The following MAGI2 variants were observed in gnomAD, a reference collection of about 807,000 sequenced individuals.
MAGI2 encodes membrane-associated guanylate kinase, WW and PDZ domain-containing protein 2.
A neutral mutation model predicts 133.3 loss-of-function variants in MAGI2; 35 were observed. The ratio of observed to expected loss-of-function variants is 0.26; its 90% CI spans 0.20 to 0.35. The LOEUF (loss-of-function observed/expected upper bound fraction) is 0.35, where lower values mean the gene tolerates loss of function less well. MAGI2 is among the 10% of genes least tolerant of loss of function. The pLI is 1.00. For missense variants in MAGI2, 1,636 were observed against 1,863.4 expected, an observed-to-expected ratio of 0.88 and a Z score of 2.25; for synonymous variants, 729 against 710.6, an observed-to-expected ratio of 1.03 and a Z score of -0.41.
chr7:78,619,613 C>T (rs1448495745), intron 3 of MAGI2, among the ~76,000 whole-genome samples: 1 of 151,838 alleles, frequency 6.6e-6, no homozygotes, highest in Non-Finnish European at 1.5e-5. Flanking sequence ...ATTTACATTG[C>T]ATATTTCAAA....
intron 1 of MAGI2, among the ~76,000 whole-genome samples, chr7:79,080,893 C>G (rs1815978045): frequency 2.0e-5 from 3 of 152,116 alleles, no homozygotes; most frequent in African/African-American, 7.2e-5. Flanking sequence ...ATCATTCCCA[C>G]ATTCACTATC....
chr7:79,266,585 T>C (rs985565415), intron 1 of MAGI2, among the ~76,000 whole-genome samples: 2 of 152,146 alleles, frequency 1.3e-5, no homozygotes, highest in Non-Finnish European at 2.9e-5. Context: ...AAATGTCTGG[T>C]AAGAAAAGTC....
At chr7:78,834,246 A>G (rs1791426665) in intron 2 of MAGI2, among the ~76,000 whole-genome samples, 1 of 152,222 alleles carries the variant, frequency 6.6e-6, no homozygotes, top group Non-Finnish European at 1.5e-5. Context: ...TGTACAGGTC[A>G]GTGATTTTTA....
At chr7:79,177,008 G>A (rs996508464) in intron 1 of MAGI2, 1 of 151,974 alleles carries the variant, frequency 6.6e-6, no homozygotes, top group Non-Finnish European at 1.5e-5. Context: ...TCAGAAAGCA[G>A]CGATTGAAAC....
At chr7:78,700,290 G>T (rs1055353705) in intron 2 of MAGI2, among the ~76,000 whole-genome samples, 1 of 152,110 alleles carries the variant, frequency 6.6e-6, no homozygotes, top group Non-Finnish European at 1.5e-5. Context: ...TTGCCCATTG[G>T]AATTGTTATG....
intron 1 of MAGI2, among the ~76,000 whole-genome samples, chr7:79,314,107 G>A (rs1022763270): frequency 6.6e-6 from 1 of 152,124 alleles, no homozygotes; most frequent in African/African-American, 2.4e-5. Flanking sequence ...CAGAGTAGTT[G>A]GGATTACAGG....
At chr7:79,213,022 C>T (rs1021153262) in intron 1 of MAGI2, among the ~76,000 whole-genome samples, 3 of 151,924 alleles carry the variant, frequency 2.0e-5, no homozygotes, top group Non-Finnish European at 2.9e-5. Context: ...GATTCTGTTA[C>T]CTGGATTGCT....
chr7:78,920,695 T>A (rs1365538968), intron 2 of MAGI2, among the ~76,000 whole-genome samples: 1 of 152,126 alleles, frequency 6.6e-6, no homozygotes, highest in African/African-American at 2.4e-5. Context: ...CCTTTTTTCC[T>A]CTTCTAAGCA....
intron 2 of MAGI2, among the ~76,000 whole-genome samples, chr7:78,668,921 G>A (rs915855859): frequency 6.6e-6 from 1 of 151,964 alleles, no homozygotes; most frequent in African/African-American, 2.4e-5. Flanking sequence ...ATTCAAAGCA[G>A]TGCGCAGAGG....
chr7:78,522,620 T>C (rs1006790487), intron 3 of MAGI2, among the ~76,000 whole-genome samples: 2 of 152,138 alleles, frequency 1.3e-5, no homozygotes, highest in African/African-American at 2.4e-5. Context: ...CCTCAAATGA[T>C]CCGCCTGCCT....
At chr7:78,832,828 G>A (rs1232322141) in intron 2 of MAGI2, among the ~76,000 whole-genome samples, 1 of 152,178 alleles carries the variant, frequency 6.6e-6, no homozygotes, top group Non-Finnish European at 1.5e-5. Context: ...GAGAGCCTAT[G>A]AATGGACGTG....
intron 1 of MAGI2, among the ~76,000 whole-genome samples, chr7:79,422,198 G>A (rs565933454): frequency 6.6e-6 from 1 of 152,112 alleles, no homozygotes; most frequent in East Asian, 1.9e-4. Flanking sequence ...GAAATAGAGT[G>A]GAGTTATTTA....
At chr7:78,827,293 T>G (rs1790749301) in intron 2 of MAGI2, among the ~76,000 whole-genome samples, 1 of 152,202 alleles carries the variant, frequency 6.6e-6, no homozygotes, top group African/African-American at 2.4e-5. Flanking sequence ...ATTTTTATTT[T>G]TTTGAGACAG....
Position 78,127,206 on chromosome 7 carries a change from T to C in MAGI2, c.3414A>G (p.Arg1138=). The C allele has an allele frequency of 6.3e-7, 1 of 1,580,030 alleles. No homozygotes were observed. Among genetic ancestry groups the C allele is most frequent in the East Asian group, 2.2e-5 (1 of 44,542 alleles). The change falls in exon 19 of 22, where the codon AGA becomes AGG. Residue 1138 remains arginine (R), a synonymous_variant. Coordinates refer to ENST00000354212, the MANE Select transcript of MAGI2 (RefSeq NM_012301.4). Reference sequence around the variant, plus strand: ...CTCCGGGAGGAGGTACCTGGGGTTGTCTGTAGTCCGACAGAGGGTACTGCC... The same window carrying C: ...CTCCGGGAGGAGGTACCTGGGGTTGCCTGTAGTCCGACAGAGGGTACTGCC... ...DTRQYPLSDY[R]QPQDFDYFTV...
chr7:78,593,371 G>A (rs572604741), intron 3 of MAGI2, among the ~76,000 whole-genome samples: 8 of 152,014 alleles, frequency 5.3e-5, no homozygotes, highest in Non-Finnish European at 7.4e-5. Flanking sequence ...CAGCCTGGGC[G>A]ACAGAGCGAG....
chr7:78,919,406 C>A (rs1409335762), intron 2 of MAGI2, among the ~76,000 whole-genome samples: 3 of 152,052 alleles, frequency 2.0e-5, no homozygotes, highest in Non-Finnish European at 4.4e-5. Context: ...GATCAAATTA[C>A]CACAACATGA....
At chr7:78,427,371 A>C (rs983838676) in intron 6 of MAGI2, among the ~76,000 whole-genome samples, 10 of 152,286 alleles carry the variant, frequency 6.6e-5, no homozygotes, top group African/African-American at 2.4e-4. Flanking sequence ...GTAAAGACAA[A>C]GAAAAAGTGA....
chr7:79,399,079 C>CTTTTTTTT (rs1197197628), intron 1 of MAGI2, among the ~76,000 whole-genome samples: 1 of 114,612 alleles, frequency 8.7e-6, no homozygotes, highest in African/African-American at 3.7e-5. Flanking sequence ...AGTATTATTT[C>CTTTTTTTT]TTTTTTTTTT....
chr7:78,263,340 T>C (rs1310567856), intron 9 of MAGI2, among the ~76,000 whole-genome samples: 4 of 152,194 alleles, frequency 2.6e-5, no homozygotes, highest in African/African-American at 9.6e-5. Context: ...TACCCAGTAA[T>C]GGGATTTAGA....
Sources: allele counts gnomAD v4.1 joint callset (sites outside exome capture counted in the v4.1 genomes callset), GRCh38; gene constraint gnomAD v4.1.1; transcripts MANE v1.5; gene names NCBI Gene and HGNC (gene_info 2026-07-23, HGNC 2026-07-21).